The following FAM184B variants were observed in gnomAD, a reference collection of about 807,000 sequenced individuals.
FAM184B encodes the protein protein FAM184B.
FAM184B carries 111 observed loss-of-function variants against 135.9 expected under a neutral mutation model. The ratio of observed to expected loss-of-function variants is 0.82; its 90% CI spans 0.70 to 0.96. The LOEUF (loss-of-function observed/expected upper bound fraction) is 0.96. FAM184B is among the 40% of genes least tolerant of loss of function. The pLI, the probability that FAM184B is intolerant of heterozygous loss-of-function variation, is 0.00. For synonymous variants in FAM184B, 552 were observed against 524.8 expected, an observed-to-expected ratio of 1.05 and a Z score of -0.71; for missense variants, 1,375 against 1,323.9, an observed-to-expected ratio of 1.04 and a Z score of -0.60.
intron 1 of FAM184B, among the ~76,000 whole-genome samples, chr4:17,776,513 C>T (rs564358288): frequency 3.9e-5 from 6 of 152,200 alleles, no homozygotes; most frequent in Admixed American, 2.6e-4. Flanking sequence ...CTCAGCCTGC[C>T]GAGTAGCTGG....
chr4:17,679,657 C>T (rs1716391187), intron 7 of FAM184B, among the ~76,000 whole-genome samples: 2 of 152,048 alleles, frequency 1.3e-5, no homozygotes, highest in Admixed American at 1.3e-4. Flanking sequence ...AGAACTACCC[C>T]CAATCCCACT....
At chr4:17,693,514 T>C in intron 5 of FAM184B, 102 bp from the exon 6 acceptor site, 2 of 867,986 alleles carry the variant, frequency 2.3e-6, no homozygotes, top group African/African-American at 1.7e-5. Context: ...AGCTTATGAG[T>C]GTCATACAAC....
intron 1 of FAM184B, among the ~76,000 whole-genome samples, chr4:17,746,479 C>A (rs1041878458): frequency 3.3e-5 from 5 of 151,620 alleles, no homozygotes; most frequent in Non-Finnish European, 7.4e-5. Context: ...GCCTGTGATC[C>A]CAGCACTTTG....
intron 1 of FAM184B, among the ~76,000 whole-genome samples, chr4:17,712,565 G>A (rs1717304592): frequency 6.6e-6 from 1 of 152,064 alleles, no homozygotes; most frequent in Admixed American, 6.5e-5. Context: ...TAACTTCATT[G>A]CCAAGTTCCT....
At chr4:17,751,823 GCACACACACACACACACA>G (rs3222789) in intron 1 of FAM184B, among the ~76,000 whole-genome samples, 1 of 115,832 alleles carries the variant, frequency 8.6e-6, no homozygotes, top group African/African-American at 3.2e-5. Flanking sequence ...TAAAAACAAG[GCACACACACACACACACA>G]CACACACACA....
intron 7 of FAM184B, among the ~76,000 whole-genome samples, chr4:17,683,814 G>T (rs1716503469): frequency 6.6e-6 from 1 of 152,104 alleles, no homozygotes; most frequent in Admixed American, 6.6e-5. Flanking sequence ...AGTGGTTCAT[G>T]TCTGTAATCC....
At position 17,680,647 on chromosome 4, in the gene FAM184B, C is replaced by T. The variant is rs562614433; in HGVS notation, c.1596+7777G>A. ...TCAGGCGTTTTTCTCAGATTCAGTC[C>T]AGTGCTCTCTCAGTGCTAAAGTGGC... On this transcript the variant is annotated intron_variant, in intron 7 of 17. Coordinates refer to ENST00000265018, the MANE Select transcript of FAM184B (RefSeq NM_015688.2). Among the ~76,000 whole-genome samples the T allele has an allele frequency of 7.9e-5, 12 of 152,228 alleles. No homozygotes were observed. In the South Asian group the frequency reaches 2.3e-3, roughly 29 times the overall value.
chr4:17,669,895 A>G (rs547972158), intron 7 of FAM184B, among the ~76,000 whole-genome samples: 3 of 152,374 alleles, frequency 2.0e-5, no homozygotes, highest in South Asian at 2.1e-4. Flanking sequence ...GTGAGGTCAT[A>G]TAGTGAATAT....
At chr4:17,653,989 C>G (rs983796993) in intron 10 of FAM184B, among the ~76,000 whole-genome samples, 1 of 73,458 alleles carries the variant, frequency 1.4e-5, no homozygotes, top group Non-Finnish European at 2.6e-5. Flanking sequence ...CCAGAAGCCA[C>G]GGAACTCAGG....
At chr4:17,740,363 A>AAG (rs1718006607) in intron 1 of FAM184B, among the ~76,000 whole-genome samples, 1 of 151,372 alleles carries the variant, frequency 6.6e-6, no homozygotes, top group African/African-American at 2.4e-5. Flanking sequence ...AAAAAAAAAA[A>AAG]AAAAAAAAAA....
chr4:17,680,356 C>G (rs1367137497), intron 7 of FAM184B, among the ~76,000 whole-genome samples: 1 of 152,050 alleles, frequency 6.6e-6, no homozygotes, highest in Admixed American at 6.6e-5. Context: ...TAATAGTTCT[C>G]TCTTGTGAAA....
chr4:17,743,100 G>A (rs1222560435), intron 1 of FAM184B, among the ~76,000 whole-genome samples: 1 of 152,226 alleles, frequency 6.6e-6, no homozygotes, highest in African/African-American at 2.4e-5. Context: ...GCAGCTGGCT[G>A]AGTGAAACGG....
intron 5 of FAM184B, among the ~76,000 whole-genome samples, chr4:17,701,275 G>A (rs1716980715): frequency 6.6e-6 from 1 of 152,210 alleles, no homozygotes; most frequent in African/African-American, 2.4e-5. Flanking sequence ...ATAATCTACG[G>A]CCCAGGGCAA....
intron 1 of FAM184B, among the ~76,000 whole-genome samples, chr4:17,732,468 G>T (rs1717804809): frequency 1.3e-5 from 2 of 151,672 alleles, no homozygotes; most frequent in South Asian, 4.2e-4. Context: ...AAAGAGAGAA[G>T]AATCAAATAG....
intron 1 of FAM184B, among the ~76,000 whole-genome samples, chr4:17,739,951 T>G (rs1184969680): frequency 6.6e-6 from 1 of 152,160 alleles, no homozygotes; most frequent in Non-Finnish European, 1.5e-5. Flanking sequence ...TTTTGGATTT[T>G]CTGTTAAACG....
At chr4:17,687,791 G>C (rs547720267) in intron 7 of FAM184B, among the ~76,000 whole-genome samples, 1 of 152,238 alleles carries the variant, frequency 6.6e-6, no homozygotes, top group South Asian at 2.1e-4. Flanking sequence ...CACAGACCAG[G>C]TTCTCACTCG....
intron 8 of FAM184B, among the ~76,000 whole-genome samples, chr4:17,661,936 G>A (rs992874506): frequency 1.3e-5 from 2 of 152,210 alleles, no homozygotes; most frequent in Non-Finnish European, 2.9e-5. Context: ...GTACAATTCA[G>A]TGAGTTTTGA....
intron 1 of FAM184B, among the ~76,000 whole-genome samples, chr4:17,769,498 G>GCAC (rs1387514605): frequency 2.0e-5 from 3 of 152,046 alleles, no homozygotes; most frequent in African/African-American, 7.2e-5. Flanking sequence ...TCAAATGGAG[G>GCAC]CACCACGTCT....
chr4:17,769,144 T>G (rs560657436), intron 1 of FAM184B, among the ~76,000 whole-genome samples: 68 of 151,650 alleles, frequency 4.5e-4, no homozygotes, highest in African/African-American at 1.6e-3. Flanking sequence ...TTATGCAATC[T>G]CCATACAACA....
Sources: allele counts gnomAD v4.1 joint callset (sites outside exome capture counted in the v4.1 genomes callset), GRCh38; gene constraint gnomAD v4.1.1; transcripts MANE v1.5; gene names NCBI Gene and HGNC (gene_info 2026-07-23, HGNC 2026-07-21).